The following AOAH variants were observed in gnomAD, a reference collection of about 807,000 sequenced individuals.
AOAH encodes acyloxyacyl hydrolase.
In AOAH, 64 loss-of-function variants were observed where a neutral mutation model predicts 92.2. The ratio of observed to expected loss-of-function variants is 0.69; its 90% CI spans 0.57 to 0.86. The LOEUF is 0.86. AOAH is among the 40% of genes least tolerant of loss of function. The probability of loss-of-function intolerance (pLI) is 0.00; values close to 1 mark genes in which losing one functional copy is unlikely to be tolerated. For missense variants in AOAH, 656 were observed against 694.6 expected (o/e 0.94, Z 0.62); for synonymous variants, 263 against 254.5 (o/e 1.03, Z -0.32).
chr7:36,596,369 G>T (rs950299057), intron 11 of AOAH, among the ~76,000 whole-genome samples: 2 of 152,146 alleles, frequency 1.3e-5, no homozygotes, highest in African/African-American at 4.8e-5. Flanking sequence ...CTTAATTGTG[G>T]ACTGTTATGG....
intron 1 of AOAH, among the ~76,000 whole-genome samples, chr7:36,697,670 G>A (rs1277696936): frequency 6.6e-6 from 1 of 152,174 alleles, no homozygotes; most frequent in Non-Finnish European, 1.5e-5. Context: ...TTCTGTACCT[G>A]GTTGAACAGT....
chr7:36,571,278 C>T (rs2116587483), intron 13 of AOAH, among the ~76,000 whole-genome samples: 1 of 152,292 alleles, frequency 6.6e-6, no homozygotes, highest in African/African-American at 2.4e-5. Context: ...CTGCCAGAGC[C>T]GTTTGCTGAT....
At chr7:36,636,427 C>T (rs1793530624) in intron 5 of AOAH, among the ~76,000 whole-genome samples, 1 of 152,106 alleles carries the variant, frequency 6.6e-6, no homozygotes, top group Non-Finnish European at 1.5e-5. Flanking sequence ...GTAAACAATG[C>T]CTGGAGAATA....
rs748031130 is a variant in AOAH, at chr7:36,637,924, G to A, written c.391-14C>T. ...TTTCCATGTCTCCTATAAAAACAAA[G>A]TTAGAGAACATTACAACTCATGTTT... On this transcript the variant is annotated splice_polypyrimidine_tract_variant and intron_variant, in intron 4 of 20. Transcript: ENST00000617537. The A allele has an allele frequency of 5.5e-5, 88 of 1,599,344 alleles. No homozygotes were observed. The highest frequency in any genetic ancestry group is 7.5e-5 in the Non-Finnish European group (87 of 1,166,844).
At chr7:36,563,880 T>C (rs1787478492) in intron 13 of AOAH, among the ~76,000 whole-genome samples, 1 of 152,248 alleles carries the variant, frequency 6.6e-6, no homozygotes, top group African/African-American at 2.4e-5. Context: ...CTATTGACCT[T>C]GAGCTCAAAA....
rs1783754126 is a variant in AOAH, at chr7:36,516,929, T to G, written c.1600-3549A>C. Among the ~76,000 whole-genome samples, 1 of 152,218 alleles carries G rather than the reference T, an allele frequency of 6.6e-6. No individual in the cohort carries two copies. The highest frequency in any genetic ancestry group is 1.5e-5 in the Non-Finnish European group (1 of 68,032). On this transcript the variant is annotated intron_variant, in intron 20 of 20. Coordinates refer to ENST00000617537, the MANE Select transcript of AOAH (RefSeq NM_001637.4). This position sits in a 1 kb window ranked among gnomAD's most constrained non-coding sequence, Gnocchi z 5.0. ...TGTCACTCTAATAAGGAATAAAATATTTATGAGCAGGCATTGAGAAAATAT... is the reference window on the plus strand; with the variant it reads ...TGTCACTCTAATAAGGAATAAAATAGTTATGAGCAGGCATTGAGAAAATAT...
chr7:36,523,191 C>T (rs1784199082), intron 19 of AOAH, among the ~76,000 whole-genome samples: 1 of 152,144 alleles, frequency 6.6e-6, no homozygotes, highest in African/African-American at 2.4e-5. Flanking sequence ...ATCGCCAGCC[C>T]CTGTTAGCTT....
intron 1 of AOAH, among the ~76,000 whole-genome samples, chr7:36,694,157 A>G (rs992440435): frequency 2.0e-5 from 3 of 152,158 alleles, no homozygotes; most frequent in African/African-American, 7.2e-5. Context: ...TATGCAAAAA[A>G]ATTTATCGCA....
intron 1 of AOAH, among the ~76,000 whole-genome samples, chr7:36,687,497 C>T (rs777156242): frequency 4.6e-5 from 7 of 151,264 alleles, no homozygotes; most frequent in South Asian, 2.1e-4. Flanking sequence ...AAGATTCTAT[C>T]GCTTGCCTTA....
At chr7:36,720,338 ATTT>A (rs201307393) in intron 1 of AOAH, among the ~76,000 whole-genome samples, 113 of 145,658 alleles carry the variant, frequency 7.8e-4, no homozygotes, top group African/African-American at 2.0e-3. Flanking sequence ...CTATATTTAC[ATTT>A]TTTTTTTTTT....
rs534181409 is a variant in AOAH at position 36,621,327 on chromosome 7, A to G, written c.653+383T>C. On this transcript the variant is annotated intron_variant, in intron 8 of 20. Transcript: ENST00000617537. ...ATTAGAGGCTTCTCCTTACTCCCGG[A>G]GGGAGAGGCCACTATTTCTGGGCCC... Among the ~76,000 whole-genome samples the G allele has an allele frequency of 1.2e-4, 18 of 152,328 alleles. No individual in the cohort carries two copies. In the South Asian group the frequency reaches 3.7e-3, roughly 32 times the overall value.
intron 15 of AOAH, 76 bp downstream of exon 15, chr7:36,548,536 G>T: frequency 8.2e-7 from 1 of 1,223,630 alleles, no homozygotes; most frequent in Non-Finnish European, 1.2e-6. Flanking sequence ...CTATAATGGA[G>T]TGGAGTTGGT....
intron 11 of AOAH, among the ~76,000 whole-genome samples, chr7:36,609,116 G>C (rs923812799): frequency 1.3e-5 from 2 of 152,156 alleles, no homozygotes; most frequent in Non-Finnish European, 2.9e-5. Context: ...CTGGGGTAGG[G>C]TGGCATCTTG....
At chr7:36,683,836 C>T (rs1796799933) in intron 2 of AOAH, among the ~76,000 whole-genome samples, 2 of 151,926 alleles carry the variant, frequency 1.3e-5, no homozygotes, top group African/African-American at 2.4e-5. Context: ...AAAGAATGGG[C>T]AACTCAAATT....
chr7:36,686,021 T>C (rs1796983294), intron 2 of AOAH, among the ~76,000 whole-genome samples: 1 of 152,134 alleles, frequency 6.6e-6, no homozygotes, highest in Admixed American at 6.5e-5. Flanking sequence ...TAGTTCCCAT[T>C]AAGTGAATAA....
chr7:36,579,297 T>A (rs1788751715), intron 12 of AOAH, among the ~76,000 whole-genome samples: 1 of 152,036 alleles, frequency 6.6e-6, no homozygotes, highest in Non-Finnish European at 1.5e-5. Context: ...CATTAGGTGA[T>A]GTCACTGAGT....
rs367768983 is a variant in AOAH at position 36,686,723 on chromosome 7, C to A, written c.199G>T (p.Glu67Ter). The A allele has an allele frequency of 6.4e-7, 1 of 1,557,982 alleles. No homozygotes were observed. The highest frequency in any genetic ancestry group is 1.4e-5 in the African/African-American group (1 of 72,410). The change falls in exon 2 of 21, where the codon GAG becomes TAG. Residue 67 changes from glutamate (E) to a stop codon, truncating the protein, a stop_gained. Coordinates refer to ENST00000617537, the MANE Select transcript of AOAH (RefSeq NM_001637.4). LOFTEE classifies it high-confidence loss of function. ...CCAGGCAGGTAGCTGCACAGTCTCT[C>A]CATCGAGGCCTGGACCGTCGAGTTG... The part of the protein sequence containing the change: ...VHNSTVQASM[E>*]RLCSYLPEKL...
At chr7:36,590,357 A>G (rs1000785474) in intron 12 of AOAH, among the ~76,000 whole-genome samples, 2 of 152,130 alleles carry the variant, frequency 1.3e-5, no homozygotes, top group Non-Finnish European at 2.9e-5. Flanking sequence ...ATCACACTGA[A>G]GAAAAATCCC....
At chr7:36,562,992 C>CA (rs1203890901) in intron 13 of AOAH, among the ~76,000 whole-genome samples, 1 of 151,444 alleles carries the variant, frequency 6.6e-6, no homozygotes, top group Non-Finnish European at 1.5e-5. Flanking sequence ...ACTAAAAATA[C>CA]AAAAATTAGC....
Sources: allele counts gnomAD v4.1 joint callset (sites outside exome capture counted in the v4.1 genomes callset), GRCh38; gene constraint gnomAD v4.1.1; non-coding constraint Gnocchi (gnomAD v3.1); transcripts MANE v1.5; gene names NCBI Gene and HGNC (gene_info 2026-07-23, HGNC 2026-07-21).